CLVS2: variants seen among roughly 807,000 people sequenced by gnomAD.
CLVS2 encodes clavesin 2, also known as clavesin-2.
Under a neutral mutation model 29.0 loss-of-function variants are expected in CLVS2, and 19 were observed. The observed-to-expected ratio is 0.66, with a 90% CI of 0.46 to 0.96. The LOEUF is 0.96. Ranked by LOEUF, CLVS2 falls within the 40% of genes least tolerant of loss-of-function variation. The pLI is 0.00. For missense variants in CLVS2, 294 were observed against 404.1 expected (o/e 0.73, Z 2.34); for synonymous variants, 161 against 151.3 (o/e 1.06, Z -0.47).
intron 3 of CLVS2, among the ~76,000 whole-genome samples, chr6:123,026,525 A>G (rs1001645480): frequency 3.3e-5 from 5 of 152,186 alleles, no homozygotes; most frequent in Non-Finnish European, 7.4e-5. Flanking sequence ...AAAATTATGC[A>G]TTGTGGATAC....
At chr6:123,040,518 G>C (rs975084727) in intron 3 of CLVS2, among the ~76,000 whole-genome samples, 2 of 152,222 alleles carry the variant, frequency 1.3e-5, no homozygotes, top group Admixed American at 1.3e-4. Flanking sequence ...TTACGCGCCA[G>C]GCGCAGTGGC....
At chr6:123,019,733 G>A (rs114216143) in intron 3 of CLVS2, among the ~76,000 whole-genome samples, 10 of 152,120 alleles carry the variant, frequency 6.6e-5, no homozygotes, top group South Asian at 2.1e-4. Context: ...TATATAAGGC[G>A]ATTTATTATA....
chr6:123,036,099 A>C (rs1295437970), intron 3 of CLVS2, among the ~76,000 whole-genome samples: 1 of 152,166 alleles, frequency 6.6e-6, no homozygotes, highest in Non-Finnish European at 1.5e-5. Context: ...GAATGGAAGC[A>C]TTGAATGCAC....
intron 3 of CLVS2, among the ~76,000 whole-genome samples, chr6:123,040,769 A>AAAAAGAAAAGAAAAGAAAGG (rs1775217696): frequency 6.9e-6 from 1 of 145,958 alleles, no homozygotes; most frequent in Admixed American, 7.0e-5. Context: ...CTCCGTCTCA[A>AAAAAGAAAAGAAAAGAAAGG]AAAAGAAAAG....
chr6:123,037,648 C>T (rs1303467498), intron 3 of CLVS2, among the ~76,000 whole-genome samples: 1 of 152,004 alleles, frequency 6.6e-6, no homozygotes, highest in Admixed American at 6.6e-5. Flanking sequence ...ACTGCCTTAA[C>T]TCAGATTTAG....
At chr6:123,016,815 C>T (rs1774841287) in intron 3 of CLVS2, among the ~76,000 whole-genome samples, 1 of 152,010 alleles carries the variant, frequency 6.6e-6, no homozygotes, top group Admixed American at 6.6e-5. Flanking sequence ...CCAGTGTTAC[C>T]AGCGGCCACC....
chr6:123,038,361 T>G (rs1775183476), intron 3 of CLVS2, among the ~76,000 whole-genome samples: 1 of 152,192 alleles, frequency 6.6e-6, no homozygotes, highest in East Asian at 1.9e-4. Flanking sequence ...ACATTCGCCT[T>G]ACATTTCCTA....
chr6:123,055,699 C>A (rs569679500), intron 4 of CLVS2, 107 bp from the exon 5 acceptor site: 10 of 771,680 alleles, frequency 1.3e-5, no homozygotes, highest in Non-Finnish European at 1.8e-5. Context: ...AACAGACATG[C>A]GAAACTCATA....
chr6:123,004,269 C>T (rs1018807010), intron 2 of CLVS2, among the ~76,000 whole-genome samples: 9 of 152,246 alleles, frequency 5.9e-5, no homozygotes, highest in African/African-American at 2.2e-4. Flanking sequence ...GCAATAGATG[C>T]AAAAGTTTTT....
chr6:123,070,035 A>C lies in CLVS2; in HGVS notation c.*6274A>C. 6.6e-6 allele frequency: 1 copy of C among 152,096 alleles called. No homozygotes were observed. The highest frequency in any genetic ancestry group is 1.5e-5 in the Non-Finnish European group (1 of 67,892). The allele number at this position is 152,096 out of a possible 1,614,324, so 9.4% of individuals were successfully genotyped here. A position where few individuals can be genotyped will look rare whatever the true frequency, so the allele number is the denominator to read the frequency against. On this transcript the variant is annotated 3_prime_UTR_variant, in exon 6 of 6. Transcript: ENST00000275162. ...TTGAAATATTTGCATGCTGGTTTAT[A>C]AATTATTACCTAAAAGTTTTATGAA...
intron 3 of CLVS2, among the ~76,000 whole-genome samples, chr6:123,018,495 A>G (rs1304483693): frequency 2.6e-5 from 4 of 151,940 alleles, no homozygotes; most frequent in African/African-American, 9.7e-5. Flanking sequence ...AAATCTTTCA[A>G]GTATCAATTT....
intron 3 of CLVS2, among the ~76,000 whole-genome samples, chr6:123,044,642 T>G (rs1268434242): frequency 6.6e-6 from 1 of 152,154 alleles, no homozygotes. Context: ...GAACAGTCAA[T>G]TATGCATTCA....
chr6:122,997,709 CAAGGACCAGG>C lies in CLVS2; in HGVS notation c.-68_-59del. The C allele has an allele frequency of 1.3e-6, 2 of 1,515,326 alleles. No individual in the cohort carries two copies. Among genetic ancestry groups the C allele is most frequent in the Non-Finnish European group, 1.8e-6 (2 of 1,113,262 alleles). The allele number at this position is 1,515,326 out of a possible 1,614,324, so 93.9% of individuals were successfully genotyped here. On this transcript the variant is annotated 5_prime_UTR_variant, in exon 2 of 6. Coordinates refer to ENST00000275162, the MANE Select transcript of CLVS2 (RefSeq NM_001010852.4). Reference sequence around the variant, plus strand: ...TCTGGGGGCTGGAGTCTGGTGGTGGCAAGGACCAGGTTTGCTTTGGGACAGTCAACAAGGT... The same window carrying C: ...TCTGGGGGCTGGAGTCTGGTGGTGGCTTTGCTTTGGGACAGTCAACAAGGT...
chr6:123,042,982 A>G (rs1303593397), intron 3 of CLVS2, among the ~76,000 whole-genome samples: 1 of 152,192 alleles, frequency 6.6e-6, no homozygotes, highest in Non-Finnish European at 1.5e-5. Context: ...AGGCAGACCA[A>G]ACTTAAATTC....
At chr6:123,060,302 T>A (rs1225170148) in intron 5 of CLVS2, among the ~76,000 whole-genome samples, 1 of 152,102 alleles carries the variant, frequency 6.6e-6, no homozygotes, top group Admixed American at 6.5e-5. Context: ...TTCACTAGAC[T>A]AAGTATTTTA....
At chr6:123,060,648 G>T (rs1264200284) in intron 5 of CLVS2, among the ~76,000 whole-genome samples, 1 of 152,136 alleles carries the variant, frequency 6.6e-6, no homozygotes, top group African/African-American at 2.4e-5. Flanking sequence ...TCTGTACATA[G>T]GCAATAGTAT....
At chr6:123,049,379 G>C (rs1772569334) in intron 4 of CLVS2, among the ~76,000 whole-genome samples, 1 of 151,986 alleles carries the variant, frequency 6.6e-6, no homozygotes, top group African/African-American at 2.4e-5. Flanking sequence ...GGTAAATACT[G>C]AACACATTAT....
chr6:123,052,119 A>T (rs1021821593), intron 4 of CLVS2, among the ~76,000 whole-genome samples: 1 of 152,184 alleles, frequency 6.6e-6, no homozygotes, highest in Non-Finnish European at 1.5e-5. Flanking sequence ...GATTTAAGTA[A>T]GGAAATTATA....
At chr6:123,030,478 G>T (rs1403708638) in intron 3 of CLVS2, among the ~76,000 whole-genome samples, 1 of 152,148 alleles carries the variant, frequency 6.6e-6, no homozygotes, top group East Asian at 1.9e-4. Flanking sequence ...TCATGTGATT[G>T]TTTGTTTGGA....
Sources: allele counts gnomAD v4.1 joint callset (sites outside exome capture counted in the v4.1 genomes callset), GRCh38; gene constraint gnomAD v4.1.1; transcripts MANE v1.5; gene names NCBI Gene and HGNC (gene_info 2026-07-23, HGNC 2026-07-21).